The following SSBP3 variants were observed in gnomAD, a reference collection of about 807,000 sequenced individuals.
SSBP3 encodes single stranded DNA binding protein 3, also known as single-stranded DNA-binding protein 3.
Under a neutral mutation model 69.6 loss-of-function variants are expected in SSBP3, and 5 were observed. The observed-to-expected ratio is 0.07, with a 90% CI of 0.04 to 0.15. The LOEUF (loss-of-function observed/expected upper bound fraction) is 0.15. Among genes scored for constraint, SSBP3 ranks in the 10% least tolerant of loss-of-function variants. The pLI, the probability that SSBP3 is intolerant of heterozygous loss-of-function variation, is 1.00. For synonymous variants in SSBP3, 196 were observed against 193.4 expected (o/e 1.01, Z -0.11); for missense variants, 312 against 534.0 (o/e 0.58, Z 4.10).
chr1:54,348,258 G>A (rs1473086079), intron 4 of SSBP3, among the ~76,000 whole-genome samples: 5 of 121,926 alleles, frequency 4.1e-5, no homozygotes, highest in African/African-American at 1.5e-4. Context: ...GGGGGGGGGG[G>A]GGCGGGTGAG....
intron 7 of SSBP3, among the ~76,000 whole-genome samples, chr1:54,252,191 T>TGTA (rs1644842414): frequency 6.6e-6 from 1 of 152,204 alleles, no homozygotes; most frequent in African/African-American, 2.4e-5. Flanking sequence ...TTGCTCTGGC[T>TGTA]GTAGCACCAA....
chr1:54,258,286 G>C lies in SSBP3; in HGVS notation c.367-137C>G. 1 of 654,044 alleles carries C rather than the reference G, an allele frequency of 1.5e-6. No homozygotes were observed. Among genetic ancestry groups the C allele is most frequent in the Non-Finnish European group, 2.4e-6 (1 of 419,016 alleles). The allele number at this position is 654,044 out of a possible 1,614,324, so 40.5% of individuals were successfully genotyped here. A position where few individuals can be genotyped will look rare whatever the true frequency, so the allele number is the denominator to read the frequency against. ...CGGGGGGGTGGGCTCTGGTTGGTGGGAGGTGGTGGAGCTGCTGCTTTGGTC... is the reference window on the plus strand; with the variant it reads ...CGGGGGGGTGGGCTCTGGTTGGTGGCAGGTGGTGGAGCTGCTGCTTTGGTC... On this transcript the variant is annotated intron_variant, in intron 5 of 17. Coordinates refer to ENST00000610401, the Ensembl canonical transcript of SSBP3. The surrounding 1 kb of genome is among the most constrained non-coding windows in gnomAD (Gnocchi z 4.5).
chr1:54,383,380 A>T (rs547469334), intron 4 of SSBP3, among the ~76,000 whole-genome samples: 1,919 of 94,472 alleles, frequency 0.02, 40 homozygotes, highest in African/African-American at 0.1. Flanking sequence ...TCCGTCTCTA[A>T]AAGGAAAAAA....
Position 54,337,485 on chromosome 1 carries a change from C to CTTTTTTTTTTTTTTTTTTTTTTTT in SSBP3, c.277-55982_277-55959dup, listed in dbSNP as rs869039822. ...ACCAAAGCATTTTGTTTTCCTCAAG[C>CTTTTTTTTTTTTTTTTTTTTTTTT]TTTTTTTTTTTTTTTTTTTTTTTTT... On this transcript the variant is annotated intron_variant, in intron 4 of 17. Transcript: ENST00000610401. Among the ~76,000 whole-genome samples the CTTTTTTTTTTTTTTTTTTTTTTTT allele has an allele frequency of 2.1e-4, 11 of 51,166 alleles. 1 individual carries two copies. The highest frequency in any genetic ancestry group is 8.8e-4 in the African/African-American group (9 of 10,178). The allele number at this position is 51,166 out of a possible 152,430, so 33.6% of individuals were successfully genotyped here.
rs1356736769 is a variant in SSBP3 at position 54,257,082 on chromosome 1, A to G, written c.507+45T>C. 34 of 1,577,018 alleles carry G rather than the reference A, an allele frequency of 2.2e-5. No individual in the cohort carries two copies. In the East Asian group the frequency reaches 7.6e-4, roughly 35 times the overall value. On this transcript the variant is annotated intron_variant, in intron 7 of 17. Transcript: ENST00000610401. Reference sequence around the variant, plus strand: ...TTGTGTCAAAGTCCACCTAGGGCCAAGGATGGCTGAGGGAGGGGAGAGAGA... The same window carrying G: ...TTGTGTCAAAGTCCACCTAGGGCCAGGGATGGCTGAGGGAGGGGAGAGAGA...
chr1:54,246,571 T>C (rs1570248546), intron 9 of SSBP3, among the ~76,000 whole-genome samples: 1 of 152,236 alleles, frequency 6.6e-6, no homozygotes, highest in Admixed American at 6.5e-5. Context: ...TACGCAGCGC[T>C]GAGCTGGGAG....
At chr1:54,229,855 G>A (rs1327707355) in intron 14 of SSBP3, among the ~76,000 whole-genome samples, 1 of 152,186 alleles carries the variant, frequency 6.6e-6, no homozygotes, top group Admixed American at 6.5e-5. Flanking sequence ...CAGAGGAGCA[G>A]CTCACGGATA....
At chr1:54,405,720 G>C (rs1176624833) in intron 1 of SSBP3, among the ~76,000 whole-genome samples, 2 of 151,496 alleles carry the variant, frequency 1.3e-5, no homozygotes, top group Non-Finnish European at 3.0e-5. Context: ...CCCTCCGGCG[G>C]CTCCCCCCAC....
chr1:54,344,655 G>A (rs1016582312), intron 4 of SSBP3, among the ~76,000 whole-genome samples: 8 of 152,114 alleles, frequency 5.3e-5, no homozygotes, highest in African/African-American at 9.7e-5. Context: ...GGAAACATCC[G>A]ATCAATCTTT....
In SSBP3 at chr1:54,258,163, C is replaced by A; in HGVS notation, c.367-14G>T. The A allele has an allele frequency of 6.4e-7, 1 of 1,566,422 alleles. No individual in the cohort carries two copies. The highest frequency in any genetic ancestry group is 8.6e-7 in the Non-Finnish European group (1 of 1,156,924). On this transcript the variant is annotated splice_polypyrimidine_tract_variant and intron_variant, in intron 5 of 17. Coordinates refer to ENST00000610401, the Ensembl canonical transcript of SSBP3. This position sits in a 1 kb window ranked among gnomAD's most constrained non-coding sequence, Gnocchi z 4.5. Reference sequence around the variant, plus strand: ...CCCCGGAGGACCCTGTGAGGCCAGACAGTAGAGGCAGGTTATAGATCACAG... The same window carrying A: ...CCCCGGAGGACCCTGTGAGGCCAGAAAGTAGAGGCAGGTTATAGATCACAG...
At chr1:54,278,936 G>A (rs1440200020) in intron 5 of SSBP3, among the ~76,000 whole-genome samples, 1 of 152,194 alleles carries the variant, frequency 6.6e-6, no homozygotes, top group Non-Finnish European at 1.5e-5. Flanking sequence ...TTGTAAGCAG[G>A]CCTACTCCGG....
chr1:54,388,592 A>C (rs894730031), intron 4 of SSBP3, among the ~76,000 whole-genome samples: 1 of 152,206 alleles, frequency 6.6e-6, no homozygotes, highest in African/African-American at 2.4e-5. Flanking sequence ...GAGAAGGATG[A>C]TTTCCGGACT....
rs116924868 is a variant in SSBP3, at chr1:54,301,657, C to G, written c.277-20130G>C. ...AACAAATGGGAAGGGGGATGAAAAA[C>G]ACACACAACAGTAAGCTCCAACCCA... is the stretch of plus-strand genomic sequence containing the variant. On this transcript the variant is annotated intron_variant, in intron 4 of 17. Transcript: ENST00000610401. Among the ~76,000 whole-genome samples, 51 of 152,344 alleles carry G rather than the reference C, an allele frequency of 3.3e-4. No homozygotes were observed. The East Asian group carries it at 9.8e-3, about 29-fold the overall frequency.
intron 4 of SSBP3, among the ~76,000 whole-genome samples, chr1:54,307,590 T>G (rs1645923336): frequency 6.6e-6 from 1 of 152,208 alleles, no homozygotes; most frequent in Non-Finnish European, 1.5e-5. Context: ...AAGATGAGGC[T>G]GAAACCTACT....
intron 4 of SSBP3, among the ~76,000 whole-genome samples, chr1:54,304,852 G>A (rs771208619): frequency 6.6e-6 from 1 of 152,170 alleles, no homozygotes; most frequent in African/African-American, 2.4e-5. Flanking sequence ...GTTGGCCTAC[G>A]CAGGGTAGCT....
intron 4 of SSBP3, among the ~76,000 whole-genome samples, chr1:54,360,775 C>G (rs1401608551): frequency 1.3e-5 from 2 of 152,132 alleles, no homozygotes; most frequent in African/African-American, 2.4e-5. Flanking sequence ...AGGTCATAGC[C>G]TGGATTGTAA....
intron 4 of SSBP3, among the ~76,000 whole-genome samples, chr1:54,336,725 C>T (rs1474143352): frequency 6.6e-6 from 1 of 152,244 alleles, no homozygotes; most frequent in Non-Finnish European, 1.5e-5. Flanking sequence ...TAATCCCACA[C>T]CAAGGACAGG....
At chr1:54,314,495 G>T (rs926455923) in intron 4 of SSBP3, among the ~76,000 whole-genome samples, 6 of 152,188 alleles carry the variant, frequency 3.9e-5, no homozygotes, top group Non-Finnish European at 8.8e-5. Context: ...ACCAACATTG[G>T]TGGGGACAGC....
chr1:54,364,962 A>G (rs774162452), intron 4 of SSBP3, among the ~76,000 whole-genome samples: 1 of 152,206 alleles, frequency 6.6e-6, no homozygotes, highest in Non-Finnish European at 1.5e-5. Context: ...AGGAATGCCC[A>G]GCACTTCCCC....
Sources: gnomAD v4.1 joint callset for allele counts (sites outside exome capture counted in the v4.1 genomes callset) on GRCh38, gnomAD v4.1.1 for gene constraint, Gnocchi (gnomAD v3.1) non-coding constraint, MANE v1.5 for transcripts, NCBI Gene and HGNC (gene_info 2026-07-23, HGNC 2026-07-21) for gene names.